The following THOC2 variants were observed in gnomAD, a reference collection of about 807,000 sequenced individuals.
THOC2 encodes THO complex 2.
In THOC2, 10 loss-of-function variants were observed where a neutral mutation model predicts 128.4. The ratio of observed to expected loss-of-function variants is 0.08; its 90% CI spans 0.05 to 0.13. The LOEUF is 0.13. THOC2 is among the 10% of genes least tolerant of loss of function. THOC2 has a pLI of 1.00. For synonymous variants in THOC2, 393 were observed against 396.9 expected (o/e 0.99, Z 0.12); for missense variants, 535 against 1,155.7 (o/e 0.46, Z 7.79).
At chrX:123,729,651 AAG>A (rs148994651) in intron 1 of THOC2, among the ~76,000 whole-genome samples, 14,899 of 111,981 alleles carry the variant, frequency 0.13, 967 homozygotes, top group Middle Eastern at 0.32. Flanking sequence ...TCTTGTTAAA[AAG>A]GAAAAATTCA....
At position 123,636,204 on chromosome X, in the gene THOC2, A is replaced by G. The variant is rs770489044; in HGVS notation, c.1922-29T>C. The G allele has an allele frequency of 6.5e-6, 7 of 1,081,220 alleles. No individual in the cohort carries two copies. In the Admixed American group the frequency reaches 1.7e-4, roughly 26 times the overall value. The allele number at this position is 1,081,220 out of a possible 1,213,427, so 89.1% of individuals were successfully genotyped here. On this transcript the variant is annotated intron_variant, in intron 18 of 38. Transcript: ENST00000245838. Reference sequence around the variant, plus strand: ...TATAAAATAAAAAAAGAGTAAAAACAACTCATAAAACAAAATGCACAAGTA... The same window carrying G: ...TATAAAATAAAAAAAGAGTAAAAACGACTCATAAAACAAAATGCACAAGTA...
In THOC2 at chrX:123,686,579, T is replaced by C; in HGVS notation, c.737A>G (p.His246Arg). The C allele has an allele frequency of 8.3e-7, 1 of 1,203,781 alleles. No homozygotes were observed. The highest frequency in any genetic ancestry group is 1.1e-6 in the Non-Finnish European group (1 of 891,365). ...MSMCEPQTLC[H>R]ILGFKFKFYQ... ...AAACTTGAATTTGAACCCAAGAATA[T>C]GACACAGTGTTTGCGGTTCACACAT... Residue 246 changes from histidine to arginine, a missense_variant, in exon 8 of 39, where the codon CAT (histidine) becomes CGT (arginine). His to Arg is a conservative substitution (Grantham distance 29). Transcript: ENST00000245838.
intron 12 of THOC2, among the ~76,000 whole-genome samples, chrX:123,659,507 G>A (rs1459961183): frequency 8.9e-6 from 1 of 112,005 alleles, no homozygotes; most frequent in Non-Finnish European, 1.9e-5. Context: ...GGAGGCGGAG[G>A]TTGCAGTGAG....
chrX:123,696,676 A>C (rs753914172), intron 6 of THOC2, 45 bp downstream of exon 6: 1 of 1,155,065 alleles, frequency 8.7e-7, no homozygotes, highest in East Asian at 3.1e-5. Context: ...GAACGAAAAA[A>C]CATACTCAGA....
intron 1 of THOC2, among the ~76,000 whole-genome samples, chrX:123,722,818 A>C (rs1474720415): frequency 8.9e-6 from 1 of 111,879 alleles, no homozygotes; most frequent in Non-Finnish European, 1.9e-5. Flanking sequence ...CAAATCAGTG[A>C]AAGAAACTCA....
intron 8 of THOC2, among the ~76,000 whole-genome samples, chrX:123,685,936 T>C (rs755534360): frequency 4.7e-4 from 52 of 111,617 alleles, no homozygotes; most frequent in Middle Eastern, 4.6e-3. Context: ...CACACGACTG[T>C]AGTCCCAGCT....
At chrX:123,685,566 CACTT>C (rs1277400983) in intron 8 of THOC2, among the ~76,000 whole-genome samples, 1 of 111,342 alleles carries the variant, frequency 9.0e-6, no homozygotes, top group Non-Finnish European at 1.9e-5. Context: ...AATGGCTAGT[CACTT>C]AATATGACTA....
At chrX:123,718,911 C>T (rs1413421931) in intron 1 of THOC2, among the ~76,000 whole-genome samples, 1 of 111,158 alleles carries the variant, frequency 9.0e-6, no homozygotes, top group Non-Finnish European at 1.9e-5. Flanking sequence ...CACGGTGGCT[C>T]ACGCCTGTAA....
chrX:123,679,684 G>T (rs749032042), intron 8 of THOC2, among the ~76,000 whole-genome samples: 2 of 112,012 alleles, frequency 1.8e-5, no homozygotes, highest in Non-Finnish European at 3.8e-5. Context: ...TTGTTACTGC[G>T]TCTGTGTAGA....
intron 8 of THOC2, among the ~76,000 whole-genome samples, chrX:123,678,065 A>G (rs1426922819): frequency 1.8e-5 from 2 of 109,638 alleles, no homozygotes; most frequent in African/African-American, 6.7e-5. Flanking sequence ...TATGATGACA[A>G]TGTCTTCTTC....
At chrX:123,720,383 G>A (rs1318628137) in intron 1 of THOC2, among the ~76,000 whole-genome samples, 1 of 111,339 alleles carries the variant, frequency 9.0e-6, no homozygotes, top group Non-Finnish European at 1.9e-5. Flanking sequence ...AGGAGTTCAA[G>A]GTTACGGTGA....
At chrX:123,684,475 C>T (rs1339943602) in intron 8 of THOC2, among the ~76,000 whole-genome samples, 1 of 111,806 alleles carries the variant, frequency 8.9e-6, no homozygotes, top group Non-Finnish European at 1.9e-5. Flanking sequence ...CCTCCACCTC[C>T]CAGGTTCAAG....
intron 15 of THOC2, among the ~76,000 whole-genome samples, chrX:123,642,202 A>G: frequency 9.0e-6 from 1 of 111,532 alleles, no homozygotes; most frequent in Non-Finnish European, 1.9e-5. Context: ...AAGGCGGGTG[A>G]ATCACAAGGT....
intron 8 of THOC2, among the ~76,000 whole-genome samples, chrX:123,674,081 A>T (rs758374044): frequency 8.9e-6 from 1 of 111,760 alleles, no homozygotes; most frequent in Admixed American, 9.5e-5. Context: ...GTAATGTTCT[A>T]TATATATAAC....
chrX:123,644,115 A>C (rs1484903224), intron 15 of THOC2, among the ~76,000 whole-genome samples: 1 of 112,365 alleles, frequency 8.9e-6, no homozygotes, highest in Non-Finnish European at 1.9e-5. Flanking sequence ...TTAAAAAAGA[A>C]ATTTCTCAAA....
chrX:123,706,501 C>T (rs1335185246), intron 3 of THOC2, among the ~76,000 whole-genome samples: 17 of 102,610 alleles, frequency 1.7e-4, no homozygotes, highest in African/African-American at 6.0e-4. Context: ...GGTATATCTC[C>T]TAATGTTATC....
chrX:123,652,200 A>T (rs2048387821), intron 12 of THOC2, among the ~76,000 whole-genome samples: 1 of 112,125 alleles, frequency 8.9e-6, no homozygotes, highest in Non-Finnish European at 1.9e-5. Flanking sequence ...ATCTCAATAG[A>T]TGCAGAAAAG....
At chrX:123,726,368 A>G (rs1396418967) in intron 1 of THOC2, among the ~76,000 whole-genome samples, 1 of 110,942 alleles carries the variant, frequency 9.0e-6, no homozygotes, top group African/African-American at 3.3e-5. Context: ...AGAGGAAAGG[A>G]AAAGGAAAGG....
chrX:123,678,267 C>CT (rs760673764), intron 8 of THOC2, among the ~76,000 whole-genome samples: 7,711 of 98,192 alleles, frequency 0.079, 339 homozygotes, highest in East Asian at 0.21. Context: ...TGTTTTCAAA[C>CT]TTTTTTTTTT....
Sources: allele counts gnomAD v4.1 joint callset (sites outside exome capture counted in the v4.1 genomes callset), GRCh38; gene constraint gnomAD v4.1.1; transcripts MANE v1.5; gene names NCBI Gene and HGNC (gene_info 2026-07-23, HGNC 2026-07-21).